The following STXBP6 variants were observed in gnomAD, a reference collection of about 807,000 sequenced individuals.
The protein encoded by STXBP6 is syntaxin binding protein 6.
STXBP6 carries 21 observed loss-of-function variants against 26.9 expected under a neutral mutation model. The ratio of observed to expected loss-of-function variants is 0.78; its 90% CI spans 0.55 to 1.12. The LOEUF is 1.12. Among genes scored for constraint, STXBP6 ranks in the 50% most tolerant of loss-of-function variants. The probability of loss-of-function intolerance (pLI) is 0.00; values close to 1 mark genes in which losing one functional copy is unlikely to be tolerated. For missense variants in STXBP6, 232 were observed against 257.9 expected (o/e 0.90, Z 0.69); for synonymous variants, 97 against 92.6 (o/e 1.05, Z -0.27).
chr14:24,942,337 TAACCAA>T (rs1174327384), intron 2 of STXBP6, among the ~76,000 whole-genome samples: 2 of 152,180 alleles, frequency 1.3e-5, no homozygotes, highest in Non-Finnish European at 2.9e-5. Context: ...GCAGACTGGA[TAACCAA>T]ACATACATTG....
chr14:24,865,921 T>C (rs531352634), intron 2 of STXBP6, among the ~76,000 whole-genome samples: 2 of 152,316 alleles, frequency 1.3e-5, no homozygotes, highest in East Asian at 3.9e-4. Context: ...AGGTAGAGTA[T>C]GCTAAAGATA....
intron 4 of STXBP6, among the ~76,000 whole-genome samples, chr14:24,841,373 T>A (rs1281797738): frequency 1.3e-5 from 2 of 152,222 alleles, no homozygotes; most frequent in Non-Finnish European, 2.9e-5. Flanking sequence ...ATATTTTCCC[T>A]TTGTCCCAAG....
chr14:25,013,977 A>G (rs2075092209), intron 1 of STXBP6, among the ~76,000 whole-genome samples: 1 of 152,224 alleles, frequency 6.6e-6, no homozygotes, highest in South Asian at 2.1e-4. Context: ...ATTAAAAAAG[A>G]GTCCTTATCT....
chr14:24,890,575 T>C (rs763563605), intron 2 of STXBP6, among the ~76,000 whole-genome samples: 29 of 152,168 alleles, frequency 1.9e-4, no homozygotes, highest in Non-Finnish European at 3.5e-4. Context: ...GATATATTAC[T>C]GTGAAATTGC....
chr14:24,891,997 T>C lies in STXBP6; in HGVS notation c.155-34840A>G, dbSNP rs189329646. On this transcript the variant is annotated intron_variant, in intron 2 of 5. Transcript: ENST00000323944. ...CTTCCTACAACTGGACCAGATCAGG[T>C]TCCCTTTATAAATGTTCCTGGCTCT... Among the ~76,000 whole-genome samples, 578 of 152,288 alleles carry C rather than the reference T, an allele frequency of 3.8e-3. 9 individuals carry two copies. Among genetic ancestry groups the C allele is most frequent in the Non-Finnish European group, 1.2e-3 (80 of 68,024 alleles).
At chr14:25,019,192 T>C (rs2075215362) in intron 1 of STXBP6, among the ~76,000 whole-genome samples, 1 of 152,204 alleles carries the variant, frequency 6.6e-6, no homozygotes, top group African/African-American at 2.4e-5. Context: ...CTTTATGTTC[T>C]TACTAGAGAC....
At chr14:24,887,832 G>T (rs1566445798) in intron 2 of STXBP6, among the ~76,000 whole-genome samples, 1 of 152,190 alleles carries the variant, frequency 6.6e-6, no homozygotes, top group Non-Finnish European at 1.5e-5. Context: ...TCAGCGTAAA[G>T]AATACATTTT....
chr14:24,907,020 G>C (rs575678392), intron 2 of STXBP6, among the ~76,000 whole-genome samples: 1 of 152,174 alleles, frequency 6.6e-6, no homozygotes, highest in Non-Finnish European at 1.5e-5. Context: ...GGAAGTGTAG[G>C]GGGAAAAGGG....
intron 2 of STXBP6, among the ~76,000 whole-genome samples, chr14:24,881,035 TCTA>T (rs1244918289): frequency 6.6e-6 from 1 of 152,212 alleles, no homozygotes; most frequent in Non-Finnish European, 1.5e-5. Context: ...TTTTCATTCC[TCTA>T]CTATCTACTT....
chr14:24,862,929 C>T (rs1173573553), intron 2 of STXBP6, among the ~76,000 whole-genome samples: 3 of 152,120 alleles, frequency 2.0e-5, no homozygotes, highest in Admixed American at 1.3e-4. Context: ...CATATGCCAA[C>T]GAGGAAGCGG....
intron 2 of STXBP6, among the ~76,000 whole-genome samples, chr14:24,959,554 C>A (rs1229474740): frequency 6.6e-6 from 1 of 152,166 alleles, no homozygotes; most frequent in Non-Finnish European, 1.5e-5. Flanking sequence ...TGTGACTTAA[C>A]GTTTATCTTC....
chr14:24,861,950 A>G (rs1214461473), intron 2 of STXBP6, among the ~76,000 whole-genome samples: 1 of 152,072 alleles, frequency 6.6e-6, no homozygotes, highest in Non-Finnish European at 1.5e-5. Context: ...CAGATTCCCA[A>G]TAGGACCCAA....
intron 2 of STXBP6, among the ~76,000 whole-genome samples, chr14:24,895,012 A>C (rs923484819): frequency 2.6e-5 from 4 of 151,864 alleles, no homozygotes; most frequent in Middle Eastern, 3.2e-3. Flanking sequence ...GTTAGTACTA[A>C]CCTCTAAAAT....
chr14:24,912,441 CA>C (rs373713561), intron 2 of STXBP6, among the ~76,000 whole-genome samples: 21,093 of 100,986 alleles, frequency 0.21, 1,460 homozygotes, highest in East Asian at 0.3. Flanking sequence ...AAGTGAATGC[CA>C]AAAAAAAAAA....
At chr14:24,929,347 C>T (rs1198549604) in intron 2 of STXBP6, among the ~76,000 whole-genome samples, 1 of 152,194 alleles carries the variant, frequency 6.6e-6, no homozygotes, top group East Asian at 1.9e-4. Context: ...GCTGTTTCCC[C>T]CATAATGTGC....
At chr14:24,924,706 A>C (rs1461546107) in intron 2 of STXBP6, among the ~76,000 whole-genome samples, 2 of 152,172 alleles carry the variant, frequency 1.3e-5, no homozygotes, top group Non-Finnish European at 2.9e-5. Flanking sequence ...TGCTGGTGCT[A>C]GGGGATGCCC....
chr14:24,988,558 G>A (rs2074390543), intron 1 of STXBP6, among the ~76,000 whole-genome samples: 1 of 152,180 alleles, frequency 6.6e-6, no homozygotes, highest in Non-Finnish European at 1.5e-5. Flanking sequence ...TGCCTGCATG[G>A]ATTATGCAGG....
chr14:25,032,253 CCT>C lies in STXBP6; in HGVS notation c.-33+17623_-33+17624del, dbSNP rs748011390. ...AGGACTATCACCACACTGGAACTAG[CCT>C]CTCTCTGGTTTTAAGGTTGGTGGTG... On this transcript the variant is annotated intron_variant, in intron 1 of 5. Coordinates refer to ENST00000323944, the MANE Select transcript of STXBP6 (RefSeq NM_001394410.1). 3.9e-5 allele frequency among the ~76,000 whole-genome samples: 6 copies of C among 152,244 alleles called. No individual in the cohort carries two copies. The East Asian group carries it at 7.7e-4, about 20-fold the overall frequency.
At chr14:24,968,170 A>AATATATATATATATATATATAT in intron 2 of STXBP6, among the ~76,000 whole-genome samples, 1 of 144,350 alleles carries the variant, frequency 6.9e-6, no homozygotes, top group African/African-American at 2.5e-5. Context: ...TATAATAAAG[A>AATATATATATATATATATATAT]ATATATATAT....
Sources: allele counts gnomAD v4.1 joint callset (sites outside exome capture counted in the v4.1 genomes callset), GRCh38; gene constraint gnomAD v4.1.1; transcripts MANE v1.5; gene names NCBI Gene and HGNC (gene_info 2026-07-23, HGNC 2026-07-21).